VPS35L: variants seen among roughly 807,000 people sequenced by gnomAD.
The protein encoded by VPS35L is VPS35 endosomal protein sorting factor like.
In VPS35L, 83 loss-of-function variants were observed where a neutral mutation model predicts 133.0. The observed-to-expected ratio is 0.62, with a 90% CI of 0.52 to 0.75. The LOEUF (loss-of-function observed/expected upper bound fraction) is 0.75, where lower values mean the gene tolerates loss of function less well. Among genes scored for constraint, VPS35L ranks in the 30% least tolerant of loss-of-function variants. The pLI is 0.00. For missense variants in VPS35L, 1,083 were observed against 1,206.8 expected, an observed-to-expected ratio of 0.90 and a Z score of 1.52; for synonymous variants, 423 against 449.9, an observed-to-expected ratio of 0.94 and a Z score of 0.76.
chr16:19,685,853 G>A lies in VPS35L; in HGVS notation c.2527+3463G>A, dbSNP rs1013511581. Among the ~76,000 whole-genome samples the A allele has an allele frequency of 3.7e-4, 57 of 152,110 alleles. 2 individuals carry two copies. The highest frequency in any genetic ancestry group is 7.4e-5 in the Non-Finnish European group (5 of 68,022). On this transcript the variant is annotated intron_variant, in intron 28 of 30. Coordinates refer to ENST00000417362, the MANE Select transcript of VPS35L (RefSeq NM_020314.7). The stretch of plus-strand genomic sequence containing the variant: ...GCTTTGAGGACCAGACAGAGACCTG[G>A]AAGTGAGGCTATCACAGGAGCATGC...
chr16:19,698,564 C>A (rs536517445), intron 29 of VPS35L, among the ~76,000 whole-genome samples: 2 of 152,084 alleles, frequency 1.3e-5, no homozygotes, highest in Non-Finnish European at 2.9e-5. Context: ...CTATCATGGG[C>A]GGTTAGGAGT....
chr16:19,657,090 C>G (rs1974330966), intron 26 of VPS35L, among the ~76,000 whole-genome samples: 1 of 151,610 alleles, frequency 6.6e-6, no homozygotes, highest in South Asian at 2.1e-4. Flanking sequence ...TTCAGCCTCC[C>G]AAATAGCTGG....
intron 9 of VPS35L, among the ~76,000 whole-genome samples, chr16:19,604,729 T>C (rs951359590): frequency 2.6e-5 from 4 of 152,234 alleles, no homozygotes; most frequent in African/African-American, 7.2e-5. Context: ...GCATTTGTAC[T>C]CATTCTTTCC....
intron 9 of VPS35L, 81 bp downstream of exon 9, chr16:19,601,804 A>G: frequency 7.1e-7 from 1 of 1,402,910 alleles, no homozygotes; most frequent in Middle Eastern, 1.8e-4. Context: ...GGATTCATTG[A>G]AGCTTGATAA....
chr16:19,621,342 C>T (rs1567430605), intron 14 of VPS35L, among the ~76,000 whole-genome samples: 1 of 152,162 alleles, frequency 6.6e-6, no homozygotes. Context: ...GGGGGACATT[C>T]GCATCTTTCT....
rs549918051 is a variant in VPS35L, at chr16:19,699,742, C to A, written c.2793+94C>A. On this transcript the variant is annotated intron_variant, in intron 30 of 30. Coordinates refer to ENST00000417362, the MANE Select transcript of VPS35L (RefSeq NM_020314.7). The surrounding 1 kb of genome is among the most constrained non-coding windows in gnomAD (Gnocchi z 4.2). ...TGTGGCCTGGACATCAGACAGACAA[C>A]CCCATACTCCCCTTTTAGAAAAGCA... 1,263 of 1,480,762 alleles carry A rather than the reference C, an allele frequency of 8.5e-4. 17 individuals are homozygous for A. In the South Asian group the frequency reaches 0.01, roughly 12 times the overall value. The allele number at this position is 1,480,762 out of a possible 1,614,324, so 91.7% of individuals were successfully genotyped here.
chr16:19,563,316 A>G (rs897905762), intron 1 of VPS35L, among the ~76,000 whole-genome samples: 1 of 133,970 alleles, frequency 7.5e-6, no homozygotes, highest in Non-Finnish European at 1.6e-5. Flanking sequence ...AAAAAAACTT[A>G]AAAAAAAAAA....
chr16:19,663,285 CAA>C (rs1358771279), intron 26 of VPS35L, among the ~76,000 whole-genome samples: 1 of 152,098 alleles, frequency 6.6e-6, no homozygotes, highest in African/African-American at 2.4e-5. Flanking sequence ...CACTGGGCAA[CAA>C]GAGCAAAGTC....
intron 23 of VPS35L, among the ~76,000 whole-genome samples, chr16:19,646,935 G>C (rs1480801731): frequency 6.6e-6 from 1 of 152,134 alleles, no homozygotes; most frequent in African/African-American, 2.4e-5. Flanking sequence ...AACACCAACT[G>C]CTGCAAATAT....
chr16:19,563,924 T>C (rs1462208067), intron 1 of VPS35L, among the ~76,000 whole-genome samples: 2 of 152,224 alleles, frequency 1.3e-5, no homozygotes, highest in Admixed American at 6.5e-5. Flanking sequence ...AGCTGCCCTG[T>C]GCTTGGCGTC....
At chr16:19,634,477 A>G (rs1973563733) in intron 19 of VPS35L, among the ~76,000 whole-genome samples, 1 of 151,884 alleles carries the variant, frequency 6.6e-6, no homozygotes, top group African/African-American at 2.4e-5. Context: ...GTATAAGAGC[A>G]GCTTTTGAAG....
rs375711713 is a variant in VPS35L at position 19,581,567 on chromosome 16, G to A, written c.553G>A (p.Val185Met). ...ELLNLTQQDY[V>M]NRIEELNQSL... The stretch of plus-strand genomic sequence containing the variant: ...GTTGAACTTGACTCAGCAGGATTAC[G>A]TGAACCGCATAGAGGAGCTCAACCA... Residue 185 changes from valine (V) to methionine (M), a missense_variant, in exon 7 of 31, where the codon GTG becomes ATG. Val to Met is a conservative substitution (Grantham distance 21). Coordinates refer to ENST00000417362, the MANE Select transcript of VPS35L (RefSeq NM_020314.7). 26 of 1,612,612 alleles carry A rather than the reference G, an allele frequency of 1.6e-5. No homozygotes were observed. Among genetic ancestry groups the A allele is most frequent in the East Asian group, 2.2e-5 (1 of 44,806 alleles).
intron 8 of VPS35L, among the ~76,000 whole-genome samples, chr16:19,594,043 A>G (rs1430291479): frequency 6.6e-6 from 1 of 152,160 alleles, no homozygotes; most frequent in African/African-American, 2.4e-5. Context: ...GGAAAGAGCT[A>G]CTTTCTCCAA....
chr16:19,585,297 A>ACTGCCAAACTATATTCCAGATGG (rs1971827567), intron 7 of VPS35L, among the ~76,000 whole-genome samples: 1 of 152,138 alleles, frequency 6.6e-6, no homozygotes, highest in Admixed American at 6.5e-5. Context: ...TTGATGAGAA[A>ACTGCCAAACTATATTCCAGATGG]CTGCCAAACT....
chr16:19,615,967 A>AT, intron 12 of VPS35L, 147 bp from the exon 13 acceptor site: 2 of 300,798 alleles, frequency 6.6e-6, no homozygotes, highest in African/African-American at 3.1e-5. Context: ...ACTCCATCTC[A>AT]AAATAATAAT....
At chr16:19,616,993 C>T (rs963882510) in intron 14 of VPS35L, 185 bp downstream of exon 14, 3 of 848,060 alleles carry the variant, frequency 3.5e-6, no homozygotes, top group African/African-American at 3.3e-5. Flanking sequence ...GAGATAGTCT[C>T]ATTTTGACAG....
intron 8 of VPS35L, 145 bp from the exon 9 acceptor site, chr16:19,601,519 A>T (rs1011727216): frequency 2.8e-6 from 2 of 724,258 alleles, no homozygotes; most frequent in Non-Finnish European, 4.4e-6. Context: ...GTGGCTTAAA[A>T]TCTGTCCCAC....
chr16:19,583,888 C>G (rs778136360), intron 7 of VPS35L, among the ~76,000 whole-genome samples: 1 of 152,192 alleles, frequency 6.6e-6, no homozygotes, highest in African/African-American at 2.4e-5. Context: ...TTCCCAGCCT[C>G]TAGTCGTCGC....
intron 21 of VPS35L, among the ~76,000 whole-genome samples, chr16:19,640,876 A>G (rs907672998): frequency 2.0e-5 from 3 of 152,032 alleles, no homozygotes; most frequent in Non-Finnish European, 4.4e-5. Context: ...CCTCCCAGGT[A>G]GCTGGGACTA....
Sources: allele counts gnomAD v4.1 joint callset (sites outside exome capture counted in the v4.1 genomes callset), GRCh38; gene constraint gnomAD v4.1.1; non-coding constraint Gnocchi (gnomAD v3.1); transcripts MANE v1.5; gene names NCBI Gene and HGNC (gene_info 2026-07-23, HGNC 2026-07-21).